ADGRF1: variants seen among roughly 807,000 people sequenced by gnomAD.
ADGRF1 encodes adhesion G protein-coupled receptor F1.
In ADGRF1, 85 loss-of-function variants were observed where a neutral mutation model predicts 87.2. The observed-to-expected ratio is 0.97, with a 90% CI of 0.82 to 1.17. ADGRF1 has a LOEUF of 1.17. Among genes scored for constraint, ADGRF1 ranks in the 50% most tolerant of loss-of-function variants. The pLI is 0.00. For synonymous variants in ADGRF1, 430 were observed against 408.8 expected, an observed-to-expected ratio of 1.05 and a Z score of -0.63; for missense variants, 1,169 against 1,077.2, an observed-to-expected ratio of 1.09 and a Z score of -1.19.
rs199897330 is a variant in ADGRF1, at chr6:47,000,236, C to T, written c.2719G>A (p.Val907Ile). Residue 907 changes from valine to isoleucine, a missense_variant, in exon 15 of 15, where the codon GTC becomes ATC. By Grantham distance (29) the Val-to-Ile change is conservative. Transcript: ENST00000371253. ...GATTCCTTGCCTTATTCATTTGAGA[C>T]AAACTGAGTTAGCATGATGTTGTCG... ...SSDNIMLTQFVSNE is the reference protein window; with the variant it reads ...SSDNIMLTQFISNE 5 of 1,608,084 alleles carry T rather than the reference C, an allele frequency of 3.1e-6. No individual in the cohort carries two copies. Among genetic ancestry groups the T allele is most frequent in the South Asian group, 1.1e-5 (1 of 90,158 alleles).
At chr6:47,034,318 A>G (rs777589398) in intron 1 of ADGRF1, among the ~76,000 whole-genome samples, 5 of 152,218 alleles carry the variant, frequency 3.3e-5, no homozygotes, top group Admixed American at 6.5e-5. Context: ...AAGCCTGGAA[A>G]GATTACCGAT....
Position 47,014,740 on chromosome 6 carries a change from AG to A in ADGRF1, c.867del (p.Ser290LeufsTer18), listed in dbSNP as rs1240303594. On this transcript the variant is annotated frameshift_variant, in exon 9 of 15. Coordinates refer to ENST00000371253, the MANE Select transcript of ADGRF1 (RefSeq NM_153840.4). LOFTEE classifies it high-confidence loss of function. ...YRGNITAKCE[S>X]SGWQVIRETC... is the part of the protein sequence containing the mutation. ...GTCTCCCTGATGACCTGCCACCCAGAGGACTCACACTTGGCTGTGATGTTTC... is the reference window on the plus strand; with the variant it reads ...GTCTCCCTGATGACCTGCCACCCAGAGACTCACACTTGGCTGTGATGTTTC... 1 of 1,613,836 alleles carries A rather than the reference AG, an allele frequency of 6.2e-7. No individual in the cohort carries two copies. The highest frequency in any genetic ancestry group is 1.3e-5 in the African/African-American group (1 of 74,884).
chr6:47,019,449 C>T (rs1363161178), intron 7 of ADGRF1: 11 of 789,854 alleles, frequency 1.4e-5, no homozygotes, highest in African/African-American at 9.4e-5. Context: ...TTTGGGAAGC[C>T]GAGGCAGGCG....
intron 9 of ADGRF1, 156 bp downstream of exon 9, chr6:47,014,525 C>A: frequency 7.0e-7 from 1 of 1,422,156 alleles, no homozygotes; most frequent in Non-Finnish European, 9.2e-7. Flanking sequence ...ATGCACGACT[C>A]CACGGGTTCA....
chr6:47,019,470 T>A (rs1009766039), intron 7 of ADGRF1: 10 of 592,678 alleles, frequency 1.7e-5, no homozygotes, highest in Admixed American at 1.3e-4. Flanking sequence ...GATCACGAGG[T>A]CAGGAGATCG....
At chr6:47,020,652 C>T in intron 7 of ADGRF1, 79 bp downstream of exon 7, 1 of 1,590,574 alleles carries the variant, frequency 6.3e-7, no homozygotes, top group Non-Finnish European at 8.6e-7. Flanking sequence ...GTCAGGGTCA[C>T]CTAAAAACAG....
intron 2 of ADGRF1, among the ~76,000 whole-genome samples, chr6:47,028,211 G>A (rs1017775966): frequency 3.3e-5 from 5 of 152,208 alleles, no homozygotes; most frequent in Non-Finnish European, 5.9e-5. Context: ...GAAGCAATGC[G>A]TGCATTTCTG....
At position 47,010,365 on chromosome 6, in the gene ADGRF1, T is replaced by TA. The variant is rs780317160; in HGVS notation, c.1117-48dup. 2.7e-6 allele frequency: 4 copies of TA among 1,479,518 alleles called. No individual in the cohort carries two copies. In the South Asian group the frequency reaches 5.3e-5, roughly 20 times the overall value. 91.6% of individuals were successfully genotyped at this position (1,479,518 alleles called of 1,614,324 possible). On this transcript the variant is annotated intron_variant, in intron 10 of 14. Coordinates refer to ENST00000371253, the MANE Select transcript of ADGRF1 (RefSeq NM_153840.4). ...CAGTTTGTGTTTTTGAGTAAACAGA[T>TA]AAGAGGACCAGCAGTGGATAGTCAT...
At chr6:47,013,276 GAACTAGTCTC>G (rs1296456852) in intron 9 of ADGRF1, 1 of 985,280 alleles carries the variant, frequency 1.0e-6, no homozygotes, top group African/African-American at 1.7e-5. Flanking sequence ...TGCCTGGAGC[GAACTAGTCTC>G]AACTATTGCT....
In ADGRF1 at chr6:47,020,729, AC is replaced by A; in HGVS notation, c.611+1del. 1 of 1,613,530 alleles carries A rather than the reference AC, an allele frequency of 6.2e-7. No individual in the cohort carries two copies. The highest frequency in any genetic ancestry group is 8.5e-7 in the Non-Finnish European group (1 of 1,179,476). ...CCCTTCTAAGACCATTGTGTTACTT[AC>A]CGAAATTGGGTGACCTGAACCGACT... On this transcript the variant is annotated splice_donor_variant, in intron 7 of 14. Transcript: ENST00000371253. LOFTEE classifies it high-confidence loss of function.
chr6:46,998,862 T>G lies in ADGRF1; in HGVS notation c.*1360A>C, dbSNP rs1779281368. On this transcript the variant is annotated 3_prime_UTR_variant, in exon 15 of 15. Transcript: ENST00000371253. ...AGTCATTTCCTTTGAACCTCTCACT[T>G]TCATATTTCATGTGTGCTGCACCTT... 1 of 152,272 alleles carries G rather than the reference T, an allele frequency of 6.6e-6. No homozygotes were observed. The highest frequency in any genetic ancestry group is 2.4e-5 in the African/African-American group (1 of 41,472). The allele number at this position is 152,272 out of a possible 1,614,324, so 9.4% of individuals were successfully genotyped here. A position where few individuals can be genotyped will look rare whatever the true frequency, so the allele number is the denominator to read the frequency against.
intron 3 of ADGRF1, among the ~76,000 whole-genome samples, chr6:47,027,387 A>G (rs1780267567): frequency 6.6e-6 from 1 of 152,224 alleles, no homozygotes; most frequent in Admixed American, 6.5e-5. Flanking sequence ...AGAACCACAA[A>G]CTAAATTTCA....
In ADGRF1 at chr6:47,009,778, T is replaced by G. The variant is rs757111776; in HGVS notation, c.1657A>C (p.Asn553His). 1 of 1,614,196 alleles carries G rather than the reference T, an allele frequency of 6.2e-7. No homozygotes were observed. The highest frequency in any genetic ancestry group is 1.1e-5 in the South Asian group (1 of 91,092). The change falls in exon 11 of 15, where the codon AAT becomes CAT. Residue 553 changes from asparagine to histidine, a missense_variant. Physicochemically the swap from Asn to His is moderately conservative, Grantham distance 68. Transcript: ENST00000371253. Reference protein sequence around the residue: ...QWNDAGCHLVNETQDIVTCQC... With the variant: ...QWNDAGCHLVHETQDIVTCQC... ...CACGTCACGATGTCTTGAGTTTCATTCACTAGGTGGCAGCCTGCATCGTTC... is the reference window on the plus strand; with the variant it reads ...CACGTCACGATGTCTTGAGTTTCATGCACTAGGTGGCAGCCTGCATCGTTC...
chr6:47,012,264 G>A lies in ADGRF1; in HGVS notation c.928-69C>T, dbSNP rs1251027004. The A allele has an allele frequency of 4.5e-6, 7 of 1,571,368 alleles. No individual in the cohort carries two copies. The African/African-American group carries it at 6.7e-5, about 15-fold the overall frequency. On this transcript the variant is annotated intron_variant, in intron 9 of 14. Coordinates refer to ENST00000371253, the MANE Select transcript of ADGRF1 (RefSeq NM_153840.4). ...GTGTTTCATCAAATTTAAATCAGAT[G>A]TCTTGGCCATATAGAACTAACATTT...
At position 47,000,129 on chromosome 6, in the gene ADGRF1, C is replaced by T. The variant is rs1779319324; in HGVS notation, c.*93G>A. ...TCCCAGACCCCTAAATCAGAAAACC[C>T]GATCGAATACTGAGCATAATTTCTT... is the stretch of plus-strand genomic sequence containing the variant. On this transcript the variant is annotated 3_prime_UTR_variant, in exon 15 of 15. Transcript: ENST00000371253. 14 of 933,922 alleles carry T rather than the reference C, an allele frequency of 1.5e-5. No individual in the cohort carries two copies. The highest frequency in any genetic ancestry group is 4.3e-5 in the South Asian group (3 of 69,154). The allele number at this position is 933,922 out of a possible 1,614,324, so 57.9% of individuals were successfully genotyped here.
In ADGRF1 at chr6:47,028,938, G is replaced by A. The variant is rs376823539; in HGVS notation, c.69+55C>T. On this transcript the variant is annotated intron_variant, in intron 2 of 14. Transcript: ENST00000371253. Reference sequence around the variant, plus strand: ...GAGAGTGAGGGGTTCTAAAAGTGCCGGAACGAGAGAGGAGAGTTAGTTGAG... The same window carrying A: ...GAGAGTGAGGGGTTCTAAAAGTGCCAGAACGAGAGAGGAGAGTTAGTTGAG... The A allele has an allele frequency of 4.0e-5, 57 of 1,414,840 alleles. No individual in the cohort carries two copies. In the Middle Eastern group the frequency reaches 8.8e-4, roughly 22 times the overall value. The allele number at this position is 1,414,840 out of a possible 1,614,324, so 87.6% of individuals were successfully genotyped here. A position where few individuals can be genotyped will look rare whatever the true frequency, so the allele number is the denominator to read the frequency against.
rs1164600977 is a variant in ADGRF1 at position 47,009,846 on chromosome 6, C to T, written c.1589G>A (p.Ser530Asn). Reference sequence around the variant, plus strand: ...ATCCCAAAACACACAATGAGGCTGGCTCAGGTTTGACTCTATCTTGGAAAA... The same window carrying T: ...ATCCCAAAACACACAATGAGGCTGGTTCAGGTTTGACTCTATCTTGGAAAA... ...LFFSKIESNL[S>N]QPHCVFWDFS... is the part of the protein sequence containing the mutation. Residue 530 changes from serine (S) to asparagine (N), a missense_variant, in exon 11 of 15, where the codon AGC becomes AAC. Transcript: ENST00000371253. 32 of 1,614,058 alleles carry T rather than the reference C, an allele frequency of 2.0e-5. No individual in the cohort carries two copies. The highest frequency in any genetic ancestry group is 2.7e-5 in the Non-Finnish European group (32 of 1,179,990).
chr6:47,023,984 C>G, intron 5 of ADGRF1, 60 bp downstream of exon 5: 3 of 1,459,474 alleles, frequency 2.1e-6, no homozygotes, highest in Non-Finnish European at 2.8e-6. Flanking sequence ...GCAAGCGTCC[C>G]CTCTCTGTTG....
chr6:47,024,814 C>T (rs1780176205), intron 4 of ADGRF1, among the ~76,000 whole-genome samples: 1 of 152,168 alleles, frequency 6.6e-6, no homozygotes, highest in Non-Finnish European at 1.5e-5. Context: ...AGGTTGGTAT[C>T]AGAAAGCTAA....
Sources: allele counts gnomAD v4.1 joint callset (sites outside exome capture counted in the v4.1 genomes callset), GRCh38; gene constraint gnomAD v4.1.1; transcripts MANE v1.5; gene names NCBI Gene and HGNC (gene_info 2026-07-23, HGNC 2026-07-21).